TRRAP: variants seen among roughly 807,000 people sequenced by gnomAD.
TRRAP encodes the protein transformation/transcription domain-associated protein.
In TRRAP, 41 loss-of-function variants were observed where a neutral mutation model predicts 438.8. The ratio of observed to expected loss-of-function variants is 0.09; its 90% CI spans 0.07 to 0.12. The LOEUF is 0.12. TRRAP is among the 10% of genes least tolerant of loss of function. The probability of loss-of-function intolerance (pLI) is 1.00; values close to 1 mark genes in which losing one functional copy is unlikely to be tolerated. For synonymous variants in TRRAP, 1,994 were observed against 1,962.9 expected (o/e 1.02, Z -0.42); for missense variants, 3,122 against 5,055.1 (o/e 0.62, Z 11.60).
Position 98,988,849 on chromosome 7 carries a change from C to T in TRRAP, c.9474C>T (p.Tyr3158=). The T allele has an allele frequency of 1.2e-6, 2 of 1,614,204 alleles. No homozygotes were observed. The highest frequency in any genetic ancestry group is 2.2e-5 in the South Asian group (2 of 91,084). ...LVKAWAMWGD[Y]LENIFVKERQ... ...AAGCCTGGGCCATGTGGGGCGACTA[C>T]CTGGAGAACATCTTTGTGAAGGAGC... Residue 3158 remains tyrosine, a synonymous_variant, in exon 63 of 73, where the codon TAC becomes TAT. Coordinates refer to ENST00000456197, the MANE Select transcript of TRRAP (RefSeq NM_001375524.1).
At chr7:98,986,952 C>G (rs971553891) in intron 62 of TRRAP, among the ~76,000 whole-genome samples, 1 of 152,122 alleles carries the variant, frequency 6.6e-6, no homozygotes. Flanking sequence ...GCTGAAAAGT[C>G]TAGTCTTTCT....
At chr7:98,926,096 T>G (rs1397642377) in intron 22 of TRRAP, among the ~76,000 whole-genome samples, 1 of 152,118 alleles carries the variant, frequency 6.6e-6, no homozygotes, top group Non-Finnish European at 1.5e-5. Flanking sequence ...TAAGAAGTTG[T>G]CGAATACTTA....
intron 28 of TRRAP, 31 bp downstream of exon 28, chr7:98,935,706 A>C: frequency 6.4e-7 from 1 of 1,553,442 alleles, no homozygotes; most frequent in South Asian, 1.2e-5. Context: ...GGGGTATAAA[A>C]GTGAAAGGAG....
intron 18 of TRRAP, among the ~76,000 whole-genome samples, chr7:98,913,144 G>A (rs1367078528): frequency 6.7e-6 from 1 of 148,176 alleles, no homozygotes; most frequent in Non-Finnish European, 1.5e-5. Context: ...AATCCCGTGT[G>A]CCTTGTTCAC....
At chr7:98,985,576 G>A (rs980601913) in intron 62 of TRRAP, among the ~76,000 whole-genome samples, 1 of 152,224 alleles carries the variant, frequency 6.6e-6, no homozygotes, top group Non-Finnish European at 1.5e-5. Flanking sequence ...TCGCAGGAAA[G>A]GTTGCCAAAC....
At chr7:98,923,855 G>A (rs1463859015) in intron 21 of TRRAP, among the ~76,000 whole-genome samples, 3 of 152,222 alleles carry the variant, frequency 2.0e-5, no homozygotes, top group African/African-American at 7.2e-5. Context: ...TTATTGTTAA[G>A]GTGAATGTCT....
At chr7:98,973,951 G>A (rs1792535028) in intron 53 of TRRAP, among the ~76,000 whole-genome samples, 2 of 152,126 alleles carry the variant, frequency 1.3e-5, no homozygotes, top group African/African-American at 4.8e-5. Flanking sequence ...GTTCTTTTGT[G>A]TCCCATTTTC....
At chr7:98,933,148 CTT>C (rs1356908923) in intron 26 of TRRAP, 91 bp from the exon 27 acceptor site, 6 of 1,438,734 alleles carry the variant, frequency 4.2e-6, no homozygotes, top group Non-Finnish European at 5.5e-6. Context: ...TCTGTAATAA[CTT>C]TGGATCTCAA....
chr7:98,925,015 A>G (rs1789982793), intron 21 of TRRAP, 97 bp from the exon 22 acceptor site: 1 of 1,478,372 alleles, frequency 6.8e-7, no homozygotes, highest in South Asian at 1.4e-5. Flanking sequence ...AAAAAAAAAA[A>G]AAGATTCTTC....
intron 67 of TRRAP, among the ~76,000 whole-genome samples, chr7:99,003,443 G>A (rs559086411): frequency 4.3e-4 from 65 of 152,282 alleles, no homozygotes; most frequent in Middle Eastern, 3.4e-3. Flanking sequence ...CTAGGGCTCC[G>A]TGTGACACTT....
intron 33 of TRRAP, among the ~76,000 whole-genome samples, chr7:98,947,818 C>G (rs879947079): frequency 6.6e-6 from 1 of 152,174 alleles, no homozygotes; most frequent in Non-Finnish European, 1.5e-5. Context: ...GAGAGGACCT[C>G]GTGATACCTT....
At chr7:98,967,792 T>A in intron 51 of TRRAP, 94 bp downstream of exon 51, 1 of 1,124,086 alleles carries the variant, frequency 8.9e-7, no homozygotes. Flanking sequence ...CACACTGAGA[T>A]GAATTGGAAA....
chr7:98,958,923 A>G (rs1791752916), intron 44 of TRRAP, among the ~76,000 whole-genome samples: 1 of 152,220 alleles, frequency 6.6e-6, no homozygotes, highest in South Asian at 2.1e-4. Context: ...ATTTCAAAGA[A>G]CCATTGTAAA....
chr7:98,957,311 T>C (rs1486103985), intron 43 of TRRAP, among the ~76,000 whole-genome samples: 1 of 152,214 alleles, frequency 6.6e-6, no homozygotes, highest in Non-Finnish European at 1.5e-5. Flanking sequence ...TATTCCCTCT[T>C]TATTTTTCAC....
At chr7:98,969,687 G>A (rs1361459206) in intron 51 of TRRAP, among the ~76,000 whole-genome samples, 1 of 151,288 alleles carries the variant, frequency 6.6e-6, no homozygotes, top group African/African-American at 2.4e-5. Flanking sequence ...ATCACGGAGG[G>A]GCTCGCAACT....
rs1208784337 is a variant in TRRAP, at chr7:99,013,236, A to G, written c.*881A>G. On this transcript the variant is annotated 3_prime_UTR_variant, in exon 73 of 73. Transcript: ENST00000456197. ...TTTTTTTTAGAATAAATATTTTATA[A>G]AAGGGTTTATTGTCCCTTGTTTATG... is the stretch of plus-strand genomic sequence containing the variant. 6.6e-6 allele frequency: 1 copy of G among 152,198 alleles called. No individual in the cohort carries two copies. Among genetic ancestry groups the G allele is most frequent in the African/African-American group, 2.4e-5 (1 of 41,458 alleles). 9.4% of individuals were successfully genotyped at this position (152,198 alleles called of 1,614,324 possible).
At position 99,011,602 on chromosome 7, in the gene TRRAP, C is replaced by A; in HGVS notation, c.11337+67C>A. The A allele has an allele frequency of 6.5e-7, 1 of 1,536,648 alleles. No individual in the cohort carries two copies. The highest frequency in any genetic ancestry group is 8.8e-7 in the Non-Finnish European group (1 of 1,138,920). On this transcript the variant is annotated intron_variant, in intron 72 of 72. Coordinates refer to ENST00000456197, the MANE Select transcript of TRRAP (RefSeq NM_001375524.1). This position sits in a 1 kb window ranked among gnomAD's most constrained non-coding sequence, Gnocchi z 7.1. ...CACTCAGATGCCCGCGCGTCACGGCCTTGCAGGAGCTGCTGATGTGCCTCA... is the reference window on the plus strand; with the variant it reads ...CACTCAGATGCCCGCGCGTCACGGCATTGCAGGAGCTGCTGATGTGCCTCA...
chr7:98,891,273 A>G (rs1385719756), intron 4 of TRRAP, among the ~76,000 whole-genome samples: 9 of 139,778 alleles, frequency 6.4e-5, no homozygotes, highest in Non-Finnish European at 1.4e-4. Context: ...GTGCAGTGGC[A>G]CGAACTCAGC....
chr7:98,900,595 G>T, intron 10 of TRRAP, 29 bp from the exon 11 acceptor site: 8 of 1,562,324 alleles, frequency 5.1e-6, no homozygotes, highest in Non-Finnish European at 7.0e-6. Context: ...ATAATTGAGA[G>T]GTAATATTTT....
Sources: gnomAD v4.1 joint callset for allele counts (sites outside exome capture counted in the v4.1 genomes callset) on GRCh38, gnomAD v4.1.1 for gene constraint, Gnocchi (gnomAD v3.1) non-coding constraint, MANE v1.5 for transcripts, NCBI Gene and HGNC (gene_info 2026-07-23, HGNC 2026-07-21) for gene names.